The following PLEK variants were observed in gnomAD, a reference collection of about 807,000 sequenced individuals.
The protein encoded by PLEK is platelet 47 kDa protein.
PLEK carries 25 observed loss-of-function variants against 43.9 expected under a neutral mutation model. The ratio of observed to expected loss-of-function variants is 0.57; its 90% CI spans 0.41 to 0.79. The LOEUF (loss-of-function observed/expected upper bound fraction) is 0.79, where lower values mean the gene tolerates loss of function less well. Among genes scored for constraint, PLEK ranks in the 30% least tolerant of loss-of-function variants. The pLI, the probability that PLEK is intolerant of heterozygous loss-of-function variation, is 0.00. For missense variants in PLEK, 396 were observed against 413.3 expected, an observed-to-expected ratio of 0.96 and a Z score of 0.36; for synonymous variants, 152 against 144.4, an observed-to-expected ratio of 1.05 and a Z score of -0.38.
intron 1 of PLEK, among the ~76,000 whole-genome samples, chr2:68,373,740 T>G (rs567755412): frequency 6.6e-6 from 1 of 152,292 alleles, no homozygotes; most frequent in Non-Finnish European, 1.5e-5. Context: ...TAATCTCAGC[T>G]ATTCCTGAGG....
chr2:68,381,216 G>A (rs1037353068), intron 3 of PLEK, among the ~76,000 whole-genome samples: 5 of 152,252 alleles, frequency 3.3e-5, no homozygotes, highest in Non-Finnish European at 5.9e-5. Flanking sequence ...TTGAAATAAA[G>A]CTTTAGGATC....
rs559920562 is a variant in PLEK at position 68,379,510 on chromosome 2, C to CA, written c.43-811dup. On this transcript the variant is annotated intron_variant, in intron 1 of 8. Transcript: ENST00000234313. ...AACATGTAAAAATAAATAAAGACTT[C>CA]AAAAAAAGAAAGAACTATACTCTAA... 1.9e-3 allele frequency among the ~76,000 whole-genome samples: 289 copies of CA among 150,806 alleles called. 1 individual carries two copies. The highest frequency in any genetic ancestry group is 0.01 in the Middle Eastern group (3 of 290).
chr2:68,367,906 G>T lies in PLEK; in HGVS notation c.42+2513G>T, dbSNP rs371604560. 5.9e-5 allele frequency among the ~76,000 whole-genome samples: 9 copies of T among 152,292 alleles called. No homozygotes were observed. In the South Asian group the frequency reaches 8.3e-4, roughly 14 times the overall value. On this transcript the variant is annotated intron_variant, in intron 1 of 8. Transcript: ENST00000234313. ...CTCTTATGCAGTTCAAGATACCTGG[G>T]TAGTAACAGAGAACATCTTTGTCCT...
At chr2:68,367,390 A>G (rs958931091) in intron 1 of PLEK, among the ~76,000 whole-genome samples, 2 of 152,096 alleles carry the variant, frequency 1.3e-5, no homozygotes, top group Non-Finnish European at 2.9e-5. Context: ...CCTAGTATCC[A>G]ATAGTTATTT....
At chr2:68,391,405 G>A (rs550145773) in intron 6 of PLEK, among the ~76,000 whole-genome samples, 6 of 152,296 alleles carry the variant, frequency 3.9e-5, no homozygotes, top group Middle Eastern at 3.4e-3. Context: ...CTTTAGTGTC[G>A]TTATTCTGAA....
chr2:68,392,788 C>T lies in PLEK; in HGVS notation c.763-374C>T, dbSNP rs569086118. Among the ~76,000 whole-genome samples the T allele has an allele frequency of 3.3e-5, 5 of 152,320 alleles. No homozygotes were observed. The South Asian group carries it at 1.0e-3, about 32-fold the overall frequency. Reference sequence around the variant, plus strand: ...ATCTATACCAATTATTTGATTTGGGCATTTGCTACTTTATATTTCAACATA... The same window carrying T: ...ATCTATACCAATTATTTGATTTGGGTATTTGCTACTTTATATTTCAACATA... On this transcript the variant is annotated intron_variant, in intron 6 of 8. Transcript: ENST00000234313.
intron 8 of PLEK, 136 bp downstream of exon 8, chr2:68,394,312 C>T: frequency 1.5e-6 from 1 of 679,688 alleles, no homozygotes; most frequent in African/African-American, 1.8e-5. Flanking sequence ...TGGCTCCCAC[C>T]TGTAATCCCG....
Position 68,395,857 on chromosome 2 carries a change from A to T in PLEK, c.*41A>T. On this transcript the variant is annotated 3_prime_UTR_variant, in exon 9 of 9. Transcript: ENST00000234313. ...CCTCCTCCCCTCCTGAGGGAAGCCCATGGACAAGCTCAGTCCAGGACCTGT... is the reference window on the plus strand; with the variant it reads ...CCTCCTCCCCTCCTGAGGGAAGCCCTTGGACAAGCTCAGTCCAGGACCTGT... 1 of 1,580,374 alleles carries T rather than the reference A, an allele frequency of 6.3e-7. No homozygotes were observed. Among genetic ancestry groups the T allele is most frequent in the Non-Finnish European group, 8.7e-7 (1 of 1,150,430 alleles).
At chr2:68,368,225 C>T (rs896177230) in intron 1 of PLEK, among the ~76,000 whole-genome samples, 7 of 152,176 alleles carry the variant, frequency 4.6e-5, no homozygotes, top group African/African-American at 1.4e-4. Flanking sequence ...AAGTAACACC[C>T]ATGTCTCTTT....
chr2:68,380,396 G>A lies in PLEK; in HGVS notation c.111G>A (p.Lys37=). The A allele has an allele frequency of 5.6e-6, 9 of 1,613,546 alleles. No individual in the cohort carries two copies. Among genetic ancestry groups the A allele is most frequent in the Non-Finnish European group, 7.6e-6 (9 of 1,179,458 alleles). ...TAGAAGATGGAATTGAATTCTATAA[G>A]AAGAAAAGTGACAACAGCCCCAAAG... ...VLLEDGIEFY[K]KKSDNSPKGM... is the part of the protein sequence containing the mutation. Residue 37 remains lysine (K), a synonymous_variant, in exon 2 of 9, where the codon AAG becomes AAA. Coordinates refer to ENST00000234313, the MANE Select transcript of PLEK (RefSeq NM_002664.3).
chr2:68,385,119 T>G (rs1202969168), intron 4 of PLEK, among the ~76,000 whole-genome samples: 7 of 152,202 alleles, frequency 4.6e-5, no homozygotes, highest in African/African-American at 9.7e-5. Context: ...CTGCTTTTTA[T>G]TTTTATCTTT....
Position 68,395,974 on chromosome 2 carries a change from A to C in PLEK, c.*158A>C. 4.6e-6 allele frequency: 3 copies of C among 654,842 alleles called. No individual in the cohort carries two copies. Among genetic ancestry groups the C allele is most frequent in the Non-Finnish European group, 8.2e-6 (3 of 365,324 alleles). The allele number at this position is 654,842 out of a possible 1,614,324, so 40.6% of individuals were successfully genotyped here. A position where few individuals can be genotyped will look rare whatever the true frequency, so the allele number is the denominator to read the frequency against. ...GAATGTAACTCACCATGTGGTGTGC[A>C]AGGTTCCCCTGCATTGTATTGCTCA... On this transcript the variant is annotated 3_prime_UTR_variant, in exon 9 of 9. Coordinates refer to ENST00000234313, the MANE Select transcript of PLEK (RefSeq NM_002664.3).
intron 1 of PLEK, among the ~76,000 whole-genome samples, chr2:68,378,628 T>A (rs1177156096): frequency 1.3e-5 from 2 of 152,224 alleles, no homozygotes; most frequent in Non-Finnish European, 2.9e-5. Context: ...ACTCAAAGCA[T>A]GGAAGACATT....
chr2:68,366,870 T>A (rs1473869039), intron 1 of PLEK, among the ~76,000 whole-genome samples: 2 of 152,252 alleles, frequency 1.3e-5, no homozygotes, highest in South Asian at 2.1e-4. Flanking sequence ...TTTGTTTTTT[T>A]AAACAATTAA....
At position 68,397,389 on chromosome 2, in the gene PLEK, A is replaced by G. The variant is rs1673979610; in HGVS notation, c.*1573A>G. The G allele has an allele frequency of 6.6e-6, 1 of 152,228 alleles. No individual in the cohort carries two copies. The highest frequency in any genetic ancestry group is 1.5e-5 in the Non-Finnish European group (1 of 68,044). The allele number at this position is 152,228 out of a possible 1,614,324, so 9.4% of individuals were successfully genotyped here. Reference sequence around the variant, plus strand: ...CACAAGTTTTTCTACACTCAGTGTTAAAGTATTTATTAATGGGAAGTCAAC... The same window carrying G: ...CACAAGTTTTTCTACACTCAGTGTTGAAGTATTTATTAATGGGAAGTCAAC... On this transcript the variant is annotated 3_prime_UTR_variant, in exon 9 of 9. Coordinates refer to ENST00000234313, the MANE Select transcript of PLEK (RefSeq NM_002664.3).
At position 68,380,994 on chromosome 2, in the gene PLEK, C is replaced by T. The variant is rs145017411; in HGVS notation, c.380+90C>T. ...GCTCCAAGGCTTGCTTTGACCACCT[C>T]TGATGTTGTATCCACTCTGCCAGGT... On this transcript the variant is annotated intron_variant, in intron 3 of 8. Coordinates refer to ENST00000234313, the MANE Select transcript of PLEK (RefSeq NM_002664.3). 3.7e-4 allele frequency: 412 copies of T among 1,101,576 alleles called. 4 individuals are homozygous for T. The African/African-American group carries it at 5.7e-3, about 15-fold the overall frequency. The allele number at this position is 1,101,576 out of a possible 1,614,324, so 68.2% of individuals were successfully genotyped here.
intron 8 of PLEK, among the ~76,000 whole-genome samples, chr2:68,395,235 T>C (rs1328609702): frequency 6.7e-6 from 1 of 149,640 alleles, no homozygotes; most frequent in Non-Finnish European, 1.5e-5. Flanking sequence ...TATAAATATA[T>C]ATTATAAATA....
At chr2:68,366,863 G>GT (rs904585945) in intron 1 of PLEK, among the ~76,000 whole-genome samples, 4 of 152,032 alleles carry the variant, frequency 2.6e-5, no homozygotes, top group East Asian at 3.8e-4. Flanking sequence ...GTTTTTGTTT[G>GT]TTTTTTTAAA....
intron 1 of PLEK, among the ~76,000 whole-genome samples, chr2:68,367,595 G>A (rs538949151): frequency 6.4e-4 from 97 of 152,238 alleles, no homozygotes; most frequent in African/African-American, 2.0e-3. Context: ...GTTACCTCAC[G>A]TGTGGGTTAA....
Sources: gnomAD v4.1 joint callset for allele counts (sites outside exome capture counted in the v4.1 genomes callset) on GRCh38, gnomAD v4.1.1 for gene constraint, MANE v1.5 for transcripts, NCBI Gene and HGNC (gene_info 2026-07-23, HGNC 2026-07-21) for gene names.